The following ASPRV1 variants were observed in gnomAD, a reference collection of about 807,000 sequenced individuals.
The protein encoded by ASPRV1 is retroviral-like aspartic protease 1.
In ASPRV1, 7 loss-of-function variants were observed where a neutral mutation model predicts 11.0. The observed-to-expected ratio is 0.64, with a 90% CI of 0.36 to 1.20. The LOEUF (loss-of-function observed/expected upper bound fraction) is 1.20, where lower values mean the gene tolerates loss of function less well. Among genes scored for constraint, ASPRV1 ranks in the 50% most tolerant of loss-of-function variants. The pLI, the probability that ASPRV1 is intolerant of heterozygous loss-of-function variation, is 0.02. For synonymous variants in ASPRV1, 136 were observed against 138.4 expected (o/e 0.98, Z 0.12); for missense variants, 299 against 320.0 (o/e 0.93, Z 0.50).
the ASPRV1 span, chr2:70,000,697 G>A: frequency 2.0e-5 from 3 of 149,576 alleles, no homozygotes; most frequent in African/African-American, 7.4e-5. Context: ...AGCTGAGGTG[G>A]GGGATCACCT....
chr2:70,077,837 A>G, the ASPRV1 span, among the ~76,000 whole-genome samples: 1 of 151,356 alleles, frequency 6.6e-6, no homozygotes, highest in Non-Finnish European at 1.5e-5. Flanking sequence ...CCTGGACAAC[A>G]AGAGCGAAAC....
the ASPRV1 span, among the ~76,000 whole-genome samples, chr2:70,067,395 C>A: frequency 3.9e-5 from 6 of 152,340 alleles, no homozygotes; most frequent in Non-Finnish European, 8.8e-5. Flanking sequence ...GTCTAGAGAT[C>A]TGGGCTGGAG....
At chr2:70,050,542 A>G in the ASPRV1 span, 2 of 152,218 alleles carry the variant, frequency 1.3e-5, no homozygotes, top group Admixed American at 6.5e-5. Flanking sequence ...ATTTGCACAC[A>G]GAAAAAAAGC....
rs184561703 is a variant in ASPRV1, at chr2:69,961,594, G to A, written c.-158C>T. 4.1e-5 allele frequency: 66 copies of A among 1,612,802 alleles called. No homozygotes were observed. The highest frequency in any genetic ancestry group is 1.7e-4 in the Middle Eastern group (1 of 6,038). On this transcript the variant is annotated 5_prime_UTR_variant, in exon 1 of 1. Transcript: ENST00000320256. ...CAAGCAGGAGGGAGCAGGCGCGGTC[G>A]GCTGGCTGACTGCTGGGGCAGAGGC...
the ASPRV1 span, chr2:70,080,956 A>T: frequency 6.6e-6 from 1 of 152,138 alleles, no homozygotes; most frequent in South Asian, 2.1e-4. Context: ...GTTTTGGTAG[A>T]CACAGGGGCT....
chr2:69,977,486 G>A, the ASPRV1 span, among the ~76,000 whole-genome samples: 1 of 152,206 alleles, frequency 6.6e-6, no homozygotes, highest in African/African-American at 2.4e-5. Flanking sequence ...GGAACCTCAT[G>A]TTCCAAACCC....
chr2:70,021,468 A>G, the ASPRV1 span, among the ~76,000 whole-genome samples: 1 of 151,284 alleles, frequency 6.6e-6, no homozygotes, highest in South Asian at 2.1e-4. Flanking sequence ...ACAGGTGCAC[A>G]CTGCCACGCC....
chr2:70,076,976 T>C, the ASPRV1 span, among the ~76,000 whole-genome samples: 1 of 152,202 alleles, frequency 6.6e-6, no homozygotes, highest in Admixed American at 6.5e-5. Flanking sequence ...AGTCAGGGAC[T>C]ATCCGTACAA....
chr2:69,995,683 G>A, the ASPRV1 span, among the ~76,000 whole-genome samples: 1 of 152,126 alleles, frequency 6.6e-6, no homozygotes, highest in Non-Finnish European at 1.5e-5. Flanking sequence ...GCTGTGGTGG[G>A]AGCAGGAAGA....
chr2:70,044,643 G>C, the ASPRV1 span, among the ~76,000 whole-genome samples: 1 of 152,028 alleles, frequency 6.6e-6, no homozygotes, highest in East Asian at 1.9e-4. Flanking sequence ...ATTTTTAGTA[G>C]AGACGGGGTT....
the ASPRV1 span, among the ~76,000 whole-genome samples, chr2:70,039,149 T>C: frequency 6.7e-6 from 1 of 148,278 alleles, no homozygotes; most frequent in Non-Finnish European, 1.5e-5. Flanking sequence ...AGTGGAGGGG[T>C]GGGCAAAAGT....
At chr2:70,014,796 C>CA in the ASPRV1 span, among the ~76,000 whole-genome samples, 8,807 of 73,632 alleles carry the variant, frequency 0.12, 922 homozygotes, top group African/African-American at 0.25. Context: ...GACCTTGTCT[C>CA]AAAAAAAAAA....
At chr2:69,953,721 T>G in the ASPRV1 span, among the ~76,000 whole-genome samples, 26,473 of 152,032 alleles carry the variant, frequency 0.17, 2,818 homozygotes, top group East Asian at 0.29. Flanking sequence ...TTTTCTTTCT[T>G]TTTTGAGAGC....
At chr2:70,037,581 G>C in the ASPRV1 span, among the ~76,000 whole-genome samples, 3 of 152,198 alleles carry the variant, frequency 2.0e-5, no homozygotes, top group Non-Finnish European at 4.4e-5. Context: ...TATATGCTTT[G>C]TTAGTCACAT....
the ASPRV1 span, among the ~76,000 whole-genome samples, chr2:70,038,568 G>C: frequency 6.7e-6 from 1 of 148,904 alleles, no homozygotes; most frequent in South Asian, 2.1e-4. Flanking sequence ...CTTGGCAACA[G>C]AACAAAACCA....
At chr2:69,961,741 T>G (rs1485236736), upstream of ASPRV1, 1 of 1,507,148 alleles carries the variant, frequency 6.6e-7, no homozygotes, top group East Asian at 2.3e-5. Context: ...CCTGCCAGCA[T>G]CCGGCCGGAC....
At chr2:70,062,871 C>A in the ASPRV1 span, among the ~76,000 whole-genome samples, 1 of 152,174 alleles carries the variant, frequency 6.6e-6, no homozygotes, top group Non-Finnish European at 1.5e-5. Context: ...CAGGACATTA[C>A]AGCCATGGGA....
chr2:70,069,365 T>C, the ASPRV1 span: 1 of 152,162 alleles, frequency 6.6e-6, no homozygotes, highest in African/African-American at 2.4e-5. Flanking sequence ...GCATCCCAGG[T>C]TGGAACTCAA....
At chr2:70,070,269 A>G in the ASPRV1 span, 1 of 152,112 alleles carries the variant, frequency 6.6e-6, no homozygotes. Flanking sequence ...TTCCAGAACA[A>G]GAGAACAGAT....
Sources: gnomAD v4.1 joint callset for allele counts (sites outside exome capture counted in the v4.1 genomes callset) on GRCh38, gnomAD v4.1.1 for gene constraint, MANE v1.5 for transcripts, NCBI Gene and HGNC (gene_info 2026-07-23, HGNC 2026-07-21) for gene names.